RBPJ: variants seen among roughly 807,000 people sequenced by gnomAD.
RBPJ encodes the protein recombination signal binding protein for immunoglobulin kappa J region, also known as recombining binding protein suppressor of hairless.
In RBPJ, 9 loss-of-function variants were observed where a neutral mutation model predicts 67.8. The observed-to-expected ratio is 0.13, with a 90% confidence interval of 0.08 to 0.23. RBPJ has a LOEUF of 0.23. RBPJ is among the 10% of genes least tolerant of loss of function. The pLI is 1.00. For synonymous variants in RBPJ, 198 were observed against 203.3 expected (o/e 0.97, Z 0.22); for missense variants, 305 against 595.6 (o/e 0.51, Z 5.08).
rs555820213 is a variant in RBPJ at position 26,259,165 on chromosome 4, G to A, written c.-167+95551G>A. Among the ~76,000 whole-genome samples, 5 of 152,216 alleles carry A rather than the reference G, an allele frequency of 3.3e-5. No homozygotes were observed. The South Asian group carries it at 8.3e-4, about 25-fold the overall frequency. On this transcript the variant is annotated intron_variant, in intron 1 of 4. Coordinates refer to the RBPJ transcript ENST00000512351. ...GAAGGAGTCAAAGCAGGACTTTAAG[G>A]TGGATGCCTAGTGATTTCCCCTCAA...
chr4:26,421,787 CT>C (rs928718076), intron 5 of RBPJ, among the ~76,000 whole-genome samples: 6 of 151,866 alleles, frequency 4.0e-5, no homozygotes, highest in African/African-American at 1.5e-4. Context: ...AATACATGCC[CT>C]TTTTTTTGAA....
intron 1 of RBPJ, among the ~76,000 whole-genome samples, chr4:26,322,616 G>A (rs575049920): frequency 6.6e-6 from 1 of 151,896 alleles, no homozygotes; most frequent in Admixed American, 6.6e-5. Context: ...CTTTGTGGAA[G>A]ATATTAATCA....
intron 7 of RBPJ, among the ~76,000 whole-genome samples, chr4:26,427,595 T>C (rs1299826096): frequency 6.6e-6 from 1 of 151,988 alleles, no homozygotes; most frequent in Non-Finnish European, 1.5e-5. Context: ...TCTGAGAAAA[T>C]GAAGTAAAAT....
At chr4:26,316,831 T>C (rs1407912462), upstream of RBPJ, among the ~76,000 whole-genome samples, 1 of 133,628 alleles carries the variant, frequency 7.5e-6, no homozygotes, top group Non-Finnish European at 1.6e-5. Context: ...AGACGACTTT[T>C]TTTTTTTTTT....
the RBPJ span, among the ~76,000 whole-genome samples, chr4:26,114,758 T>A: frequency 6.6e-6 from 1 of 152,130 alleles, no homozygotes; most frequent in Non-Finnish European, 1.5e-5. Flanking sequence ...TATGTAAATA[T>A]ATTTGTACAC....
At chr4:26,276,953 G>A (rs962832742) in intron 1 of RBPJ, among the ~76,000 whole-genome samples, 2 of 151,894 alleles carry the variant, frequency 1.3e-5, no homozygotes, top group Admixed American at 1.3e-4. Context: ...TTGCTGGCAC[G>A]GAATAAACTA....
chr4:26,376,601 A>G (rs189601243), intron 1 of RBPJ, among the ~76,000 whole-genome samples: 35 of 152,324 alleles, frequency 2.3e-4, no homozygotes, highest in African/African-American at 6.7e-4. Flanking sequence ...ATTAGTGTAC[A>G]ACTGTCTTTT....
chr4:26,119,994 A>T, the RBPJ span, among the ~76,000 whole-genome samples: 7 of 152,226 alleles, frequency 4.6e-5, no homozygotes, highest in African/African-American at 1.7e-4. Flanking sequence ...TCTTTCTAGA[A>T]AAGTCTGAAT....
chr4:26,178,161 T>G (rs554219788), intron 1 of RBPJ, among the ~76,000 whole-genome samples: 222 of 152,344 alleles, frequency 1.5e-3, no homozygotes, highest in African/African-American at 5.1e-3. Context: ...GAAACTAATA[T>G]AAAGTGGCAT....
the RBPJ span, chr4:26,113,557 C>T: frequency 4.8e-4 from 235 of 490,356 alleles, no homozygotes; most frequent in Middle Eastern, 0.013. Flanking sequence ...AGAGAACTCA[C>T]GCAGGGCAGA....
At chr4:26,337,563 C>T (rs949773863) in intron 1 of RBPJ, among the ~76,000 whole-genome samples, 17 of 150,864 alleles carry the variant, frequency 1.1e-4, no homozygotes, top group Non-Finnish European at 2.4e-4. Flanking sequence ...ACAAACATAT[C>T]TGTGCATGTG....
chr4:26,370,513 C>T (rs1729045605), intron 1 of RBPJ, among the ~76,000 whole-genome samples: 1 of 152,136 alleles, frequency 6.6e-6, no homozygotes, highest in Admixed American at 6.5e-5. Flanking sequence ...GTTTTAGACT[C>T]AACAAAACTA....
At chr4:26,173,107 C>G (rs1249559656) in intron 1 of RBPJ, among the ~76,000 whole-genome samples, 1 of 152,116 alleles carries the variant, frequency 6.6e-6, no homozygotes, top group Non-Finnish European at 1.5e-5. Flanking sequence ...GGGTAAGGGA[C>G]TACAGTAGGG....
intron 1 of RBPJ, among the ~76,000 whole-genome samples, chr4:26,266,627 G>A (rs758551390): frequency 3.3e-5 from 5 of 152,106 alleles, no homozygotes; most frequent in Non-Finnish European, 7.4e-5. Flanking sequence ...ATTCCTCCTT[G>A]GTTTTTATGA....
rs1491181723 is a variant in RBPJ at position 26,215,354 on chromosome 4, A to AAGGAG, written c.-167+51740_-167+51741insAGGAG. Among the ~76,000 whole-genome samples, 225 of 76,728 alleles carry AAGGAG rather than the reference A, an allele frequency of 2.9e-3. 8 individuals are homozygous for AAGGAG. The highest frequency in any genetic ancestry group is 0.012 in the African/African-American group (212 of 18,036). 50.3% of individuals were successfully genotyped at this position (76,728 alleles called of 152,430 possible). A position where few individuals can be genotyped will look rare whatever the true frequency, so the allele number is the denominator to read the frequency against. On this transcript the variant is annotated intron_variant, in intron 1 of 4. Coordinates refer to the RBPJ transcript ENST00000512351. ...AAGAGAGAGAGAAAGAAAGAAAAAAAGAAGGAAGGAAGGAAGGAAGAAGGG... is the reference window on the plus strand; with the variant it reads ...AAGAGAGAGAGAAAGAAAGAAAAAAAAGGAGGAAGGAAGGAAGGAAGGAAGAAGGG...
chr4:26,331,634 C>G (rs1055864250), intron 1 of RBPJ, among the ~76,000 whole-genome samples: 16 of 152,086 alleles, frequency 1.1e-4, no homozygotes, highest in African/African-American at 3.9e-4. Context: ...TGCTTATGAT[C>G]TTTGTCTTGT....
intron 1 of RBPJ, among the ~76,000 whole-genome samples, chr4:26,383,709 A>C (rs1730541013): frequency 6.6e-6 from 1 of 152,188 alleles, no homozygotes; most frequent in African/African-American, 2.4e-5. Flanking sequence ...TGGTACATTT[A>C]ATCGGTGTAA....
intron 1 of RBPJ, among the ~76,000 whole-genome samples, chr4:26,214,818 A>T (rs1257275234): frequency 7.6e-6 from 1 of 132,340 alleles, no homozygotes; most frequent in Admixed American, 7.6e-5. Context: ...AGAGAGAGAG[A>T]GAAAAGAGAA....
the RBPJ span, among the ~76,000 whole-genome samples, chr4:26,144,933 C>T: frequency 6.6e-6 from 1 of 152,102 alleles, no homozygotes; most frequent in African/African-American, 2.4e-5. Flanking sequence ...GCAGACAGAA[C>T]AGGTCCAAGT....
Sources: gnomAD v4.1 joint callset for allele counts (sites outside exome capture counted in the v4.1 genomes callset) on GRCh38, gnomAD v4.1.1 for gene constraint, MANE v1.5 for transcripts, NCBI Gene and HGNC (gene_info 2026-07-23, HGNC 2026-07-21) for gene names.